Variants in MLF2 observed in about 807,000 individuals in gnomAD.
MLF2 encodes myeloid leukemia factor 2.
Under a neutral mutation model 31.4 loss-of-function variants are expected in MLF2, and 12 were observed. That is an observed-to-expected ratio of 0.38 (90% CI 0.24 to 0.62). MLF2 has a LOEUF of 0.62. Ranked by LOEUF, MLF2 falls within the 20% of genes least tolerant of loss-of-function variation. The pLI, the probability that MLF2 is intolerant of heterozygous loss-of-function variation, is 0.58. For missense variants in MLF2, 272 were observed against 359.7 expected (o/e 0.76, Z 1.97); for synonymous variants, 109 against 118.8 (o/e 0.92, Z 0.54).
In MLF2 at chr12:6,752,725, C is replaced by G; in HGVS notation, c.-29+214G>C. On this transcript the variant is annotated intron_variant, in intron 1 of 8. Coordinates refer to ENST00000203630, the MANE Select transcript of MLF2 (RefSeq NM_001382226.1). This position sits in a 1 kb window ranked among gnomAD's most constrained non-coding sequence, Gnocchi z 4.6. ...CCGCCCCATTAATGACCCCAGTCAC[C>G]CCGCCCCCTCCTTACACTCAGGCCT... 1.6e-5 allele frequency: 3 copies of G among 187,648 alleles called. No individual in the cohort carries two copies. The Admixed American group carries it at 1.7e-4, about 11-fold the overall frequency. 11.6% of individuals were successfully genotyped at this position (187,648 alleles called of 1,614,324 possible).
At position 6,749,111 on chromosome 12, in the gene MLF2, G is replaced by T. The variant is rs1302441878; in HGVS notation, c.560-129C>A. The T allele has an allele frequency of 1.4e-5, 14 of 1,008,830 alleles. No individual in the cohort carries two copies. Among genetic ancestry groups the T allele is most frequent in the Non-Finnish European group, 4.2e-6 (3 of 717,392 alleles). 62.5% of individuals were successfully genotyped at this position (1,008,830 alleles called of 1,614,324 possible). A position where few individuals can be genotyped will look rare whatever the true frequency, so the allele number is the denominator to read the frequency against. On this transcript the variant is annotated intron_variant, in intron 7 of 8. Coordinates refer to ENST00000203630, the MANE Select transcript of MLF2 (RefSeq NM_001382226.1). This position sits in a 1 kb window ranked among gnomAD's most constrained non-coding sequence, Gnocchi z 5.3. ...TGTGCGTGCAGGGATGGGTGGGGTG[G>T]CAATTCCCTTAGCTCTTTTGGTTTC...
At position 6,750,036 on chromosome 12, in the gene MLF2, A is replaced by G; in HGVS notation, c.400-29T>C. Reference sequence around the variant, plus strand: ...GGATGAGGCAGAACGTGGCACACTCAGCCGCCCCTTCCAAAGCCCTGCCTA... The same window carrying G: ...GGATGAGGCAGAACGTGGCACACTCGGCCGCCCCTTCCAAAGCCCTGCCTA... On this transcript the variant is annotated intron_variant, in intron 6 of 8. Transcript: ENST00000203630. This position sits in a 1 kb window ranked among gnomAD's most constrained non-coding sequence, Gnocchi z 5.3. The G allele has an allele frequency of 6.2e-7, 1 of 1,613,484 alleles. No homozygotes were observed. Among genetic ancestry groups the G allele is most frequent in the Non-Finnish European group, 8.5e-7 (1 of 1,179,548 alleles).
In MLF2 at chr12:6,749,560, C is replaced by A. The variant is rs1941578403; in HGVS notation, c.559+288G>T. The stretch of plus-strand genomic sequence containing the variant: ...TGAAACCCTGTCTCTACTAAAAATA[C>A]AGAAATTAGCTGGGCGTGGTGGCAC... On this transcript the variant is annotated intron_variant, in intron 7 of 8. Coordinates refer to ENST00000203630, the MANE Select transcript of MLF2 (RefSeq NM_001382226.1). This position sits in a 1 kb window ranked among gnomAD's most constrained non-coding sequence, Gnocchi z 5.3. Among the ~76,000 whole-genome samples the A allele has an allele frequency of 6.6e-6, 1 of 152,174 alleles. No individual in the cohort carries two copies. The highest frequency in any genetic ancestry group is 2.4e-5 in the African/African-American group (1 of 41,452).
In MLF2 at chr12:6,750,886, T is replaced by C. The variant is rs1342408377; in HGVS notation, c.217-120A>G. ...TTCCTTTCTCTTCTTCCTTCACATC[T>C]AGCAAGTTCTCTTTCTCATTCTGTT... is the stretch of plus-strand genomic sequence containing the variant. On this transcript the variant is annotated intron_variant, in intron 4 of 8. Transcript: ENST00000203630. This position sits in a 1 kb window ranked among gnomAD's most constrained non-coding sequence, Gnocchi z 5.3. 21 of 823,946 alleles carry C rather than the reference T, an allele frequency of 2.5e-5. 1 individual carries two copies. Among genetic ancestry groups the C allele is most frequent in the Admixed American group, 6.2e-5 (3 of 48,344 alleles). 51.0% of individuals were successfully genotyped at this position (823,946 alleles called of 1,614,324 possible).
Position 6,749,904 on chromosome 12 carries a change from C to A in MLF2, c.503G>T (p.Arg168Leu). The change falls in exon 7 of 9, where the codon CGA becomes CTA. Residue 168 changes from arginine (R) to leucine (L), a missense_variant. Coordinates refer to ENST00000203630, the MANE Select transcript of MLF2 (RefSeq NM_001382226.1). The surrounding 1 kb of genome is among the most constrained non-coding windows in gnomAD (Gnocchi z 5.3). Reference sequence around the variant, plus strand: ...CTCCTGGTCCCCCGTGCGATGGTTTCGGGAGCGCTGGAGGATGTGAGCCCT... The same window carrying A: ...CTCCTGGTCCCCCGTGCGATGGTTTAGGGAGCGCTGGAGGATGTGAGCCCT... The part of the protein sequence containing the change: ...RDRAHILQRS[R>L]NHRTGDQEER... 2 of 1,614,132 alleles carry A rather than the reference C, an allele frequency of 1.2e-6. No homozygotes were observed. Among genetic ancestry groups the A allele is most frequent in the Non-Finnish European group, 1.7e-6 (2 of 1,180,010 alleles).
Position 6,748,751 on chromosome 12 carries a change from C to T in MLF2, c.*25+19G>A. 2 of 1,478,238 alleles carry T rather than the reference C, an allele frequency of 1.4e-6. No homozygotes were observed. The allele number at this position is 1,478,238 out of a possible 1,614,324, so 91.6% of individuals were successfully genotyped here. On this transcript the variant is annotated intron_variant, in intron 8 of 8. Transcript: ENST00000203630. The surrounding 1 kb of genome is among the most constrained non-coding windows in gnomAD (Gnocchi z 4.6). Reference sequence around the variant, plus strand: ...ACCGTCCGCAGGTGCACCCCACCCTCCTTACTCCTGATACTTACAAGAGAG... The same window carrying T: ...ACCGTCCGCAGGTGCACCCCACCCTTCTTACTCCTGATACTTACAAGAGAG...
At position 6,749,753 on chromosome 12, in the gene MLF2, ACCCAGAGCTTTG is replaced by A. The variant is rs1941583439; in HGVS notation, c.559+83_559+94del. 4 of 1,477,802 alleles carry A rather than the reference ACCCAGAGCTTTG, an allele frequency of 2.7e-6. No individual in the cohort carries two copies. The highest frequency in any genetic ancestry group is 3.7e-6 in the Non-Finnish European group (4 of 1,080,448). 91.5% of individuals were successfully genotyped at this position (1,477,802 alleles called of 1,614,324 possible). ...AAAAAAAAAAAGGAATATGGGGCTGACCCAGAGCTTTGCCCCAGAAGTGTCTATGTGTTAGGG... is the reference window on the plus strand; with the variant it reads ...AAAAAAAAAAAGGAATATGGGGCTGACCCCAGAAGTGTCTATGTGTTAGGG... On this transcript the variant is annotated intron_variant, in intron 7 of 8. Transcript: ENST00000203630. This position sits in a 1 kb window ranked among gnomAD's most constrained non-coding sequence, Gnocchi z 5.3.
In MLF2 at chr12:6,749,273, T is replaced by TA. The variant is rs1168694074; in HGVS notation, c.560-292dup. Among the ~76,000 whole-genome samples the TA allele has an allele frequency of 6.6e-6, 1 of 151,822 alleles. No individual in the cohort carries two copies. The highest frequency in any genetic ancestry group is 2.4e-5 in the African/African-American group (1 of 41,288). On this transcript the variant is annotated intron_variant, in intron 7 of 8. Transcript: ENST00000203630. The surrounding 1 kb of genome is among the most constrained non-coding windows in gnomAD (Gnocchi z 5.3). ...TTAATAATTGCGGATTTGAAAAAGA[T>TA]AAAGAGGGGAGAAAGAAACGGATCA...
chr12:6,752,076 T>C lies in MLF2; in HGVS notation c.51-22A>G, dbSNP rs1467394169. On this transcript the variant is annotated intron_variant, in intron 2 of 8. Coordinates refer to ENST00000203630, the MANE Select transcript of MLF2 (RefSeq NM_001382226.1). The surrounding 1 kb of genome is among the most constrained non-coding windows in gnomAD (Gnocchi z 4.6). ...ATCCCTGTGGAGTGAGCACATAGTA[T>C]GGATGGCAGAAGCGCCAAACTGTCA... is the stretch of plus-strand genomic sequence containing the variant. The C allele has an allele frequency of 2.5e-6, 4 of 1,613,832 alleles. No individual in the cohort carries two copies. The highest frequency in any genetic ancestry group is 3.4e-6 in the Non-Finnish European group (4 of 1,179,818).
Position 6,750,543 on chromosome 12 carries a change from T to G in MLF2, c.270+170A>C. 2.2e-6 allele frequency: 2 copies of G among 916,600 alleles called. No homozygotes were observed. The highest frequency in any genetic ancestry group is 3.3e-5 in the South Asian group (2 of 59,776). 56.8% of individuals were successfully genotyped at this position (916,600 alleles called of 1,614,324 possible). On this transcript the variant is annotated intron_variant, in intron 5 of 8. Transcript: ENST00000203630. This position sits in a 1 kb window ranked among gnomAD's most constrained non-coding sequence, Gnocchi z 5.3. ...CGTAAGAGAGCTGCTGCCGGCTGCT[T>G]CAGGCAGGCATGACAGCAGGTACAG...
In MLF2 at chr12:6,748,397, A is replaced by T; in HGVS notation, c.*176T>A. 6.0e-6 allele frequency: 1 copy of T among 166,142 alleles called. No homozygotes were observed. The highest frequency in any genetic ancestry group is 1.3e-5 in the Non-Finnish European group (1 of 77,268). The allele number at this position is 166,142 out of a possible 1,614,324, so 10.3% of individuals were successfully genotyped here. A position where few individuals can be genotyped will look rare whatever the true frequency, so the allele number is the denominator to read the frequency against. On this transcript the variant is annotated 3_prime_UTR_variant, in exon 9 of 9. Coordinates refer to ENST00000203630, the MANE Select transcript of MLF2 (RefSeq NM_001382226.1). This position sits in a 1 kb window ranked among gnomAD's most constrained non-coding sequence, Gnocchi z 4.6. ...TAAACCAGGAGATTAAAGAAGGAAAAGGTAGGGAAAGGGTGCCGTGAAAGG... is the reference window on the plus strand; with the variant it reads ...TAAACCAGGAGATTAAAGAAGGAAATGGTAGGGAAAGGGTGCCGTGAAAGG...
rs750197073 is a variant in MLF2, at chr12:6,749,723, CAA to C, written c.559+123_559+124del. The C allele has an allele frequency of 0.018, 18,610 of 1,041,678 alleles. No homozygotes were observed. The highest frequency in any genetic ancestry group is 0.029 in the South Asian group (1,719 of 58,380). 64.5% of individuals were successfully genotyped at this position (1,041,678 alleles called of 1,614,324 possible). ...GGGCAACAAGAGCGAGACTCCATCT[CAA>C]AAAAAAAAAAAAAGGAATATGGGGC... is the stretch of plus-strand genomic sequence containing the variant. On this transcript the variant is annotated intron_variant, in intron 7 of 8. Transcript: ENST00000203630. The surrounding 1 kb of genome is among the most constrained non-coding windows in gnomAD (Gnocchi z 5.3).
chr12:6,749,639 C>G lies in MLF2; in HGVS notation c.559+209G>C. 1.7e-6 allele frequency: 1 copy of G among 581,148 alleles called. No individual in the cohort carries two copies. The highest frequency in any genetic ancestry group is 2.9e-6 in the Non-Finnish European group (1 of 340,240). 36.0% of individuals were successfully genotyped at this position (581,148 alleles called of 1,614,324 possible). A position where few individuals can be genotyped will look rare whatever the true frequency, so the allele number is the denominator to read the frequency against. ...CTGAGGCAGGAGAATTGCTTAAACC[C>G]GGGAGGCGGAGGTTGCAGTGAGCTG... On this transcript the variant is annotated intron_variant, in intron 7 of 8. Coordinates refer to ENST00000203630, the MANE Select transcript of MLF2 (RefSeq NM_001382226.1). The surrounding 1 kb of genome is among the most constrained non-coding windows in gnomAD (Gnocchi z 5.3).
rs986924880 is a variant in MLF2 at position 6,750,003 on chromosome 12, C to T, written c.404G>A (p.Arg135Gln). 3.1e-6 allele frequency: 5 copies of T among 1,614,140 alleles called. No homozygotes were observed. The highest frequency in any genetic ancestry group is 4.2e-6 in the Non-Finnish European group (5 of 1,180,022). Residue 135 changes from arginine to glutamine, a missense_variant, in exon 7 of 9, where the codon CGG (arginine) becomes CAG (glutamine). Coordinates refer to ENST00000203630, the MANE Select transcript of MLF2 (RefSeq NM_001382226.1). This position sits in a 1 kb window ranked among gnomAD's most constrained non-coding sequence, Gnocchi z 5.3. Reference sequence around the variant, plus strand: ...ATCCCGAACAGTCCTCCGTGTCTCCCGGATCTGGGATGAGGCAGAACGTGG... The same window carrying T: ...ATCCCGAACAGTCCTCCGTGTCTCCTGGATCTGGGATGAGGCAGAACGTGG... ...SEMRSAPGGI[R>Q]ETRRTVRDSD...
intron 4 of MLF2, 57 bp downstream of exon 4, chr12:6,751,584 T>C: frequency 1.9e-6 from 3 of 1,562,642 alleles, no homozygotes; most frequent in African/African-American, 1.4e-5. Context: ...TTGGGAATAA[T>C]ATCTAAGGGT....
rs763850416 is a variant in MLF2, at chr12:6,750,823, A to T, written c.217-57T>A. 1.1e-5 allele frequency: 17 copies of T among 1,546,826 alleles called. No homozygotes were observed. Among genetic ancestry groups the T allele is most frequent in the East Asian group, 6.7e-5 (3 of 44,540 alleles). Reference sequence around the variant, plus strand: ...AAAGCAAAGTCAGTGTTCAGAGTTGATCCTGTTTAGGAACCCACAACCCAC... The same window carrying T: ...AAAGCAAAGTCAGTGTTCAGAGTTGTTCCTGTTTAGGAACCCACAACCCAC... On this transcript the variant is annotated intron_variant, in intron 4 of 8. Transcript: ENST00000203630. The surrounding 1 kb of genome is among the most constrained non-coding windows in gnomAD (Gnocchi z 5.3).
chr12:6,750,662 G>T lies in MLF2; in HGVS notation c.270+51C>A. ...CTTGCCTTAGAGGATGCAAGGTGTT[G>T]TCAGCCATCACTGAGAGCAAGGCCG... On this transcript the variant is annotated intron_variant, in intron 5 of 8. Transcript: ENST00000203630. The surrounding 1 kb of genome is among the most constrained non-coding windows in gnomAD (Gnocchi z 5.3). 1 of 1,568,394 alleles carries T rather than the reference G, an allele frequency of 6.4e-7. No homozygotes were observed. The highest frequency in any genetic ancestry group is 8.8e-7 in the Non-Finnish European group (1 of 1,138,790).
chr12:6,748,963 A>C lies in MLF2; in HGVS notation c.579T>G (p.Asp193Glu), dbSNP rs1190909796. The change falls in exon 8 of 9, where the codon GAT becomes GAG. Residue 193 changes from aspartate (D) to glutamate (E), a missense_variant. Transcript: ENST00000203630. The surrounding 1 kb of genome is among the most constrained non-coding windows in gnomAD (Gnocchi z 4.6). ...GGGAGGTCTCCCGCCGCCACTCGTCATCAAACGCTGCGGCCTCACCTGGAA... is the reference window on the plus strand; with the variant it reads ...GGGAGGTCTCCCGCCGCCACTCGTCCTCAAACGCTGCGGCCTCACCTGGAA... ...NLDESEAAAF[D>E]DEWRRETSRF... The C allele has an allele frequency of 7.5e-6, 12 of 1,599,876 alleles. No homozygotes were observed. Among genetic ancestry groups the C allele is most frequent in the Non-Finnish European group, 1.0e-5 (12 of 1,174,050 alleles).
chr12:6,749,206 T>G lies in MLF2; in HGVS notation c.560-224A>C, dbSNP rs188671144. Among the ~76,000 whole-genome samples, 322 of 152,368 alleles carry G rather than the reference T, an allele frequency of 2.1e-3. 2 individuals are homozygous for G. The highest frequency in any genetic ancestry group is 3.0e-3 in the Admixed American group (46 of 15,314). ...GGAGGAAGAAATCAGAATGGGATTA[T>G]TCTTCAGTTCAGGTTCACAGTCCTA... On this transcript the variant is annotated intron_variant, in intron 7 of 8. Transcript: ENST00000203630. This position sits in a 1 kb window ranked among gnomAD's most constrained non-coding sequence, Gnocchi z 5.3.
Sources: gnomAD v4.1 joint callset for allele counts (sites outside exome capture counted in the v4.1 genomes callset) on GRCh38, gnomAD v4.1.1 for gene constraint, Gnocchi (gnomAD v3.1) non-coding constraint, MANE v1.5 for transcripts, NCBI Gene and HGNC (gene_info 2026-07-23, HGNC 2026-07-21) for gene names.